The following CTNNBL1 variants were observed in gnomAD, a reference collection of about 807,000 sequenced individuals.
CTNNBL1 encodes the protein beta-catenin-like protein 1.
In CTNNBL1, 31 loss-of-function variants were observed where a neutral mutation model predicts 72.7. The ratio of observed to expected loss-of-function variants is 0.43; its 90% CI spans 0.32 to 0.58. CTNNBL1 has a LOEUF of 0.58. CTNNBL1 is among the 20% of genes least tolerant of loss of function. The pLI is 0.08. For synonymous variants in CTNNBL1, 240 were observed against 267.3 expected (o/e 0.90, Z 1.00); for missense variants, 534 against 725.1 (o/e 0.74, Z 3.03).
intron 10 of CTNNBL1, among the ~76,000 whole-genome samples, chr20:37,800,311 AC>A (rs1293415678): frequency 1.3e-5 from 2 of 152,114 alleles, no homozygotes; most frequent in African/African-American, 4.8e-5. Context: ...TTAAATCTTG[AC>A]CCGGCTTCCC....
intron 2 of CTNNBL1, 39 bp from the exon 3 acceptor site, chr20:37,737,339 C>G (rs2073179782): frequency 7.0e-7 from 1 of 1,418,944 alleles, no homozygotes; most frequent in Admixed American, 1.7e-5. Flanking sequence ...TGTGAAACCC[C>G]TGTGGACTGA....
At chr20:37,811,801 G>A (rs2072013882) in intron 11 of CTNNBL1, among the ~76,000 whole-genome samples, 1 of 152,154 alleles carries the variant, frequency 6.6e-6, no homozygotes, top group Admixed American at 6.5e-5. Context: ...CACATTTATC[G>A]GGCATCTGTC....
At chr20:37,779,142 A>G (rs1310815965) in intron 9 of CTNNBL1, 45 bp from the exon 10 acceptor site, 1 of 1,601,112 alleles carries the variant, frequency 6.2e-7, no homozygotes, top group South Asian at 1.1e-5. Flanking sequence ...TCATGAAAAG[A>G]CATTCTCTTA....
chr20:37,761,588 T>C (rs995598141), intron 5 of CTNNBL1, among the ~76,000 whole-genome samples: 50 of 152,258 alleles, frequency 3.3e-4, no homozygotes, highest in Non-Finnish European at 5.3e-4. Context: ...TATTGAATGC[T>C]TGATGTGTTC....
At chr20:37,711,130 T>G (rs551465213) in intron 1 of CTNNBL1, among the ~76,000 whole-genome samples, 23 of 152,360 alleles carry the variant, frequency 1.5e-4, no homozygotes, top group African/African-American at 5.5e-4. Context: ...CTGGCCCATC[T>G]GATCCTCCTG....
chr20:37,768,791 T>C (rs1257264097), intron 7 of CTNNBL1, among the ~76,000 whole-genome samples: 1 of 152,222 alleles, frequency 6.6e-6, no homozygotes, highest in African/African-American at 2.4e-5. Context: ...GTTTTTTCTT[T>C]TGAAACTGAG....
At chr20:37,770,540 G>A (rs1869821642) in intron 7 of CTNNBL1, among the ~76,000 whole-genome samples, 5 of 151,712 alleles carry the variant, frequency 3.3e-5, no homozygotes, top group Admixed American at 3.3e-4. Flanking sequence ...AAACTAGAAT[G>A]TCTTCTGCCA....
intron 10 of CTNNBL1, among the ~76,000 whole-genome samples, chr20:37,783,263 T>C (rs1474036712): frequency 1.3e-5 from 2 of 152,208 alleles, no homozygotes; most frequent in Non-Finnish European, 2.9e-5. Context: ...TCTCTCTTTT[T>C]TTCTTAATCT....
At position 37,694,194 on chromosome 20, in the gene CTNNBL1, G is replaced by A. The variant is rs764709079; in HGVS notation, c.30+42G>A. 3 of 1,550,456 alleles carry A rather than the reference G, an allele frequency of 1.9e-6. No homozygotes were observed. In the South Asian group the frequency reaches 3.6e-5, roughly 18 times the overall value. On this transcript the variant is annotated intron_variant, in intron 1 of 15. Transcript: ENST00000361383. ...GGGCCGAGCGACCGCGTTCTCACCTGGGCAGGGGTCGCAGGAGCCAGAGCC... is the reference window on the plus strand; with the variant it reads ...GGGCCGAGCGACCGCGTTCTCACCTAGGCAGGGGTCGCAGGAGCCAGAGCC...
At chr20:37,839,370 C>CT (rs1276359819) in intron 11 of CTNNBL1, among the ~76,000 whole-genome samples, 1 of 152,196 alleles carries the variant, frequency 6.6e-6, no homozygotes, top group Non-Finnish European at 1.5e-5. Context: ...CACGAGTAGA[C>CT]TTTTGTCACC....
intron 7 of CTNNBL1, among the ~76,000 whole-genome samples, chr20:37,772,591 G>T (rs144083575): frequency 8.1e-4 from 123 of 152,180 alleles, no homozygotes; most frequent in Admixed American, 1.2e-3. Flanking sequence ...CTTGTGATCC[G>T]CCCGCCTTGG....
intron 15 of CTNNBL1, among the ~76,000 whole-genome samples, chr20:37,863,605 T>A (rs1440548753): frequency 6.6e-6 from 1 of 152,104 alleles, no homozygotes. Flanking sequence ...CTATAGCCCC[T>A]TCAAGGGAGG....
chr20:37,837,157 TC>T (rs1270910288), intron 11 of CTNNBL1, among the ~76,000 whole-genome samples: 1 of 152,184 alleles, frequency 6.6e-6, no homozygotes, highest in Non-Finnish European at 1.5e-5. Flanking sequence ...CAGAGCACTT[TC>T]CCTGAAGTGC....
chr20:37,773,891 CT>C (rs1428881617), intron 7 of CTNNBL1, among the ~76,000 whole-genome samples: 1 of 133,798 alleles, frequency 7.5e-6, no homozygotes, highest in Non-Finnish European at 1.6e-5. Flanking sequence ...TCTTTTTCTT[CT>C]TTTTCTTTCT....
Position 37,803,937 on chromosome 20 carries a change from G to A in CTNNBL1, c.1213+889G>A, listed in dbSNP as rs193095544. 3.8e-3 allele frequency among the ~76,000 whole-genome samples: 575 copies of A among 152,104 alleles called. 2 individuals are homozygous for A. Among genetic ancestry groups the A allele is most frequent in the Middle Eastern group, 0.01 (3 of 294 alleles). On this transcript the variant is annotated intron_variant, in intron 11 of 15. Transcript: ENST00000361383. ...TTTTGCATTCCTCATCCTCATAGAC[G>A]AAAGTTTGAGAACTCCCGCCTCTCT... is the stretch of plus-strand genomic sequence containing the variant.
chr20:37,781,524 G>T (rs1410310615), intron 10 of CTNNBL1, among the ~76,000 whole-genome samples: 1 of 152,158 alleles, frequency 6.6e-6, no homozygotes, highest in Non-Finnish European at 1.5e-5. Flanking sequence ...CTTCATTTTT[G>T]AATGCTGAAG....
At chr20:37,717,760 C>T (rs946058460) in intron 1 of CTNNBL1, among the ~76,000 whole-genome samples, 1 of 152,034 alleles carries the variant, frequency 6.6e-6, no homozygotes, top group Non-Finnish European at 1.5e-5. Flanking sequence ...TGCGGCCTTC[C>T]GTAGTGTTTG....
intron 1 of CTNNBL1, among the ~76,000 whole-genome samples, chr20:37,708,678 T>C (rs941248026): frequency 1.3e-5 from 2 of 152,212 alleles, no homozygotes; most frequent in African/African-American, 4.8e-5. Context: ...AATTAGCTTT[T>C]CTTCATCCTG....
In CTNNBL1 at chr20:37,777,725, T is replaced by A. The variant is rs954674589; in HGVS notation, c.882+13T>A. 2.5e-6 allele frequency: 4 copies of A among 1,612,736 alleles called. No individual in the cohort carries two copies. The African/African-American group carries it at 5.3e-5, about 22-fold the overall frequency. On this transcript the variant is annotated intron_variant, in intron 9 of 15. Coordinates refer to ENST00000361383, the MANE Select transcript of CTNNBL1 (RefSeq NM_030877.5). ...TCAGCAGTTATCCGTGAGTAATTCT[T>A]ATGCTTCCTGTCTGCTGTAAGATAC... is the stretch of plus-strand genomic sequence containing the variant.
Sources: gnomAD v4.1 joint callset for allele counts (sites outside exome capture counted in the v4.1 genomes callset) on GRCh38, gnomAD v4.1.1 for gene constraint, MANE v1.5 for transcripts, NCBI Gene and HGNC (gene_info 2026-07-23, HGNC 2026-07-21) for gene names.